Variants in TRABD2B observed in about 807,000 individuals in gnomAD.
TRABD2B encodes TraB domain containing 2B, also known as metalloprotease TIKI2.
TRABD2B carries 14 observed loss-of-function variants against 40.1 expected under a neutral mutation model. The ratio of observed to expected loss-of-function variants is 0.35; its 90% CI spans 0.23 to 0.55. The LOEUF is 0.55. Ranked by LOEUF, TRABD2B falls within the 20% of genes least tolerant of loss-of-function variation. TRABD2B has a pLI of 0.90. For missense variants in TRABD2B, 541 were observed against 648.6 expected (o/e 0.83, Z 1.80); for synonymous variants, 263 against 277.0 (o/e 0.95, Z 0.50).
At chr1:47,906,977 A>T (rs1644687303) in intron 2 of TRABD2B, among the ~76,000 whole-genome samples, 1 of 152,186 alleles carries the variant, frequency 6.6e-6, no homozygotes, top group Non-Finnish European at 1.5e-5. Flanking sequence ...CCGGACAGTG[A>T]TGGCCTGCTC....
At chr1:47,822,909 G>T (rs992512170) in intron 2 of TRABD2B, among the ~76,000 whole-genome samples, 1 of 152,216 alleles carries the variant, frequency 6.6e-6, no homozygotes. Context: ...CATCCAGAGA[G>T]AGTGCCACCT....
intron 2 of TRABD2B, among the ~76,000 whole-genome samples, chr1:47,806,615 T>C (rs955171049): frequency 3.0e-4 from 46 of 152,294 alleles, no homozygotes; most frequent in African/African-American, 1.0e-3. Flanking sequence ...CTCTGTGGAC[T>C]CCCCTCACCA....
At chr1:47,767,356 A>C (rs1415831484) in intron 6 of TRABD2B, among the ~76,000 whole-genome samples, 1 of 152,176 alleles carries the variant, frequency 6.6e-6, no homozygotes, top group Non-Finnish European at 1.5e-5. Context: ...GGCCTCCCGG[A>C]AGCAGGGAGG....
chr1:47,779,544 CAG>C (rs1557560391), intron 4 of TRABD2B, among the ~76,000 whole-genome samples: 1 of 152,244 alleles, frequency 6.6e-6, no homozygotes, highest in Non-Finnish European at 1.5e-5. Context: ...TCTGAGTACT[CAG>C]GGGAGCCTCT....
chr1:47,795,490 G>T (rs1199959598), intron 3 of TRABD2B: 1 of 189,178 alleles, frequency 5.3e-6, no homozygotes, highest in African/African-American at 2.4e-5. Context: ...CAGTTGAGCT[G>T]CCTGGTACAG....
chr1:47,929,841 C>T (rs1645016517), intron 2 of TRABD2B, among the ~76,000 whole-genome samples: 1 of 152,198 alleles, frequency 6.6e-6, no homozygotes, highest in South Asian at 2.1e-4. Context: ...GCTTTCCCTG[C>T]CCAGCTCCTC....
chr1:47,931,616 C>T (rs188408001), intron 2 of TRABD2B, among the ~76,000 whole-genome samples: 17 of 152,272 alleles, frequency 1.1e-4, no homozygotes, highest in African/African-American at 3.6e-4. Flanking sequence ...GGAGACACCA[C>T]GTGGGGAGGG....
At chr1:47,876,087 C>T (rs1644221635) in intron 2 of TRABD2B, among the ~76,000 whole-genome samples, 1 of 152,178 alleles carries the variant, frequency 6.6e-6, no homozygotes. Context: ...CCCAGCCTCC[C>T]AGAAGGTCCA....
At chr1:47,939,698 T>C (rs1645160589) in intron 2 of TRABD2B, among the ~76,000 whole-genome samples, 1 of 152,136 alleles carries the variant, frequency 6.6e-6, no homozygotes, top group African/African-American at 2.4e-5. Context: ...AGTGTCACTG[T>C]TACAGACAGG....
intron 4 of TRABD2B, among the ~76,000 whole-genome samples, chr1:47,785,634 G>A (rs1644585248): frequency 6.6e-6 from 1 of 152,238 alleles, no homozygotes; most frequent in South Asian, 2.1e-4. Context: ...GCCCAGGCAT[G>A]GCACGGGGTG....
chr1:47,973,452 C>T (rs553402040), intron 2 of TRABD2B, among the ~76,000 whole-genome samples: 1 of 152,324 alleles, frequency 6.6e-6, no homozygotes, highest in African/African-American at 2.4e-5. Context: ...TGCCAACAAA[C>T]GAATTCCAGG....
intron 2 of TRABD2B, among the ~76,000 whole-genome samples, chr1:47,839,361 C>T (rs1394028608): frequency 1.3e-5 from 2 of 151,830 alleles, no homozygotes; most frequent in African/African-American, 2.4e-5. Context: ...TCACTCCCAC[C>T]ACACACACAC....
intron 4 of TRABD2B, among the ~76,000 whole-genome samples, chr1:47,786,714 TG>T (rs774019520): frequency 4.9e-4 from 75 of 152,226 alleles, no homozygotes; most frequent in Non-Finnish European, 9.7e-4. Context: ...TCATTTGTTT[TG>T]TTTTTTTTTA....
chr1:47,865,386 T>C (rs1389894740), intron 2 of TRABD2B, among the ~76,000 whole-genome samples: 1 of 152,036 alleles, frequency 6.6e-6, no homozygotes, highest in Non-Finnish European at 1.5e-5. Flanking sequence ...TACTGATTTA[T>C]AGGGACTGAA....
At chr1:47,884,072 T>A (rs1159400730) in intron 2 of TRABD2B, among the ~76,000 whole-genome samples, 1 of 152,158 alleles carries the variant, frequency 6.6e-6, no homozygotes, top group Admixed American at 6.5e-5. Context: ...TTTGTGACAG[T>A]TAAATAATGG....
chr1:47,888,170 C>A (rs1644396079), intron 2 of TRABD2B, among the ~76,000 whole-genome samples: 1 of 152,220 alleles, frequency 6.6e-6, no homozygotes, highest in South Asian at 2.1e-4. Flanking sequence ...TGCTTTTGAT[C>A]TCTGGTCCTT....
At chr1:47,957,724 T>C (rs1645445602) in intron 2 of TRABD2B, among the ~76,000 whole-genome samples, 1 of 152,178 alleles carries the variant, frequency 6.6e-6, no homozygotes, top group South Asian at 2.1e-4. Context: ...AGACCAAATC[T>C]ACATCTGATT....
intron 2 of TRABD2B, among the ~76,000 whole-genome samples, chr1:47,895,458 GC>G (rs139605368): frequency 0.026 from 4,000 of 152,212 alleles, 178 homozygotes; most frequent in African/African-American, 0.089. Context: ...GGACCCCACT[GC>G]CCCCCTCCCA....
At chr1:47,981,437 G>A (rs569538532) in intron 2 of TRABD2B, among the ~76,000 whole-genome samples, 3 of 152,248 alleles carry the variant, frequency 2.0e-5, no homozygotes, top group East Asian at 1.9e-4. Flanking sequence ...GTGAATTACC[G>A]CTCTGTGACT....
Sources: allele counts gnomAD v4.1 joint callset (sites outside exome capture counted in the v4.1 genomes callset), GRCh38; gene constraint gnomAD v4.1.1; transcripts MANE v1.5; gene names NCBI Gene and HGNC (gene_info 2026-07-23, HGNC 2026-07-21).